The following IFT57 variants were observed in gnomAD, a reference collection of about 807,000 sequenced individuals.
IFT57 encodes intraflagellar transport 57.
IFT57 carries 59 observed loss-of-function variants against 56.8 expected under a neutral mutation model. That is an observed-to-expected ratio of 1.04 (90% CI 0.84 to 1.29). IFT57 has a LOEUF of 1.29. IFT57 is among the 50% of genes most tolerant of loss of function. The pLI, the probability that IFT57 is intolerant of heterozygous loss-of-function variation, is 0.00. For synonymous variants in IFT57, 209 were observed against 186.1 expected (o/e 1.12, Z -1.00); for missense variants, 470 against 522.1 (o/e 0.90, Z 0.97).
intron 6 of IFT57, among the ~76,000 whole-genome samples, chr3:108,188,662 G>A (rs1371146364): frequency 6.6e-6 from 1 of 152,086 alleles, no homozygotes; most frequent in Non-Finnish European, 1.5e-5. Context: ...CTACAGAATG[G>A]CATGAGAATA....
chr3:108,191,635 G>T lies in IFT57; in HGVS notation c.663C>A (p.Asn221Lys), dbSNP rs182941979. 6.3e-7 allele frequency: 1 copy of T among 1,594,860 alleles called. No homozygotes were observed. Among genetic ancestry groups the T allele is most frequent in the East Asian group, 2.2e-5 (1 of 44,706 alleles). ...AAATATCTTCTTGTTTGGCAGTCTC[G>T]TTCATATCCTAAGAAAGGAAAGATA... ...LKAQTYHLDM[N>K]ETAKQEDILE... Residue 221 changes from asparagine (N) to lysine (K), a missense_variant, in exon 6 of 11, where the codon AAC (asparagine) becomes AAA (lysine). By Grantham distance (94) the Asn-to-Lys change is moderately conservative. Coordinates refer to ENST00000264538, the MANE Select transcript of IFT57 (RefSeq NM_018010.4).
intron 6 of IFT57, among the ~76,000 whole-genome samples, chr3:108,180,332 C>T (rs1461400852): frequency 6.6e-6 from 1 of 151,864 alleles, no homozygotes; most frequent in Non-Finnish European, 1.5e-5. Flanking sequence ...GAAGGAGTTA[C>T]AAGCAAAGAG....
chr3:108,213,217 A>T (rs1204007700), intron 4 of IFT57, among the ~76,000 whole-genome samples: 1 of 152,194 alleles, frequency 6.6e-6, no homozygotes, highest in Non-Finnish European at 1.5e-5. Flanking sequence ...GTCCAGAGTT[A>T]TATGTGGATA....
intron 8 of IFT57, 45 bp downstream of exon 8, chr3:108,166,807 TAG>T (rs773437487): frequency 6.4e-7 from 1 of 1,551,306 alleles, no homozygotes; most frequent in South Asian, 1.2e-5. Flanking sequence ...GTTTAGGGTT[TAG>T]GGTTGTTAAC....
rs1240987395 is a variant in IFT57, at chr3:108,161,997, G to A, written c.*480C>T. 1 of 152,146 alleles carries A rather than the reference G, an allele frequency of 6.6e-6. No individual in the cohort carries two copies. The highest frequency in any genetic ancestry group is 1.5e-5 in the Non-Finnish European group (1 of 68,076). 9.4% of individuals were successfully genotyped at this position (152,146 alleles called of 1,614,324 possible). ...AGTTTTTTTTAACCTAAAAAAAGTG[G>A]CAATTTTAGGTAACCATAAAGCTGA... On this transcript the variant is annotated 3_prime_UTR_variant, in exon 11 of 11. Transcript: ENST00000264538.
At chr3:108,173,766 C>CTGTGTGTGTGTGTGTG (rs59233165) in intron 6 of IFT57, among the ~76,000 whole-genome samples, 37 of 124,688 alleles carry the variant, frequency 3.0e-4, no homozygotes, top group East Asian at 7.4e-4. Flanking sequence ...GTCAGGGACT[C>CTGTGTGTGTGTGTGTG]TGTGTGTGTG....
At chr3:108,184,830 G>A (rs996204138) in intron 6 of IFT57, among the ~76,000 whole-genome samples, 2 of 152,066 alleles carry the variant, frequency 1.3e-5, no homozygotes, top group African/African-American at 2.4e-5. Context: ...TGAGGTTTTC[G>A]TGTACTTTTC....
At chr3:108,177,903 C>A (rs951489850) in intron 6 of IFT57, among the ~76,000 whole-genome samples, 1 of 151,518 alleles carries the variant, frequency 6.6e-6, no homozygotes, top group African/African-American at 2.4e-5. Flanking sequence ...ATGTTATCTG[C>A]GAATGACATA....
chr3:108,164,629 T>C (rs2080050722), intron 9 of IFT57, among the ~76,000 whole-genome samples: 2 of 152,100 alleles, frequency 1.3e-5, no homozygotes, highest in Non-Finnish European at 2.9e-5. Flanking sequence ...CTAACATAAG[T>C]GAACACTTTA....
At chr3:108,165,327 G>T in intron 9 of IFT57, 104 bp downstream of exon 9, 1 of 816,290 alleles carries the variant, frequency 1.2e-6, no homozygotes. Context: ...TGATTTAAAG[G>T]CACAGGAAGC....
chr3:108,166,739 A>T, intron 8 of IFT57, 115 bp downstream of exon 8: 1 of 823,216 alleles, frequency 1.2e-6, no homozygotes, highest in Non-Finnish European at 1.8e-6. Context: ...CAGAAAATTG[A>T]TGTTTTGCTG....
chr3:108,205,161 C>G (rs535298535), intron 5 of IFT57, among the ~76,000 whole-genome samples: 1 of 151,934 alleles, frequency 6.6e-6, no homozygotes, highest in Non-Finnish European at 1.5e-5. Context: ...AGATTTCAGA[C>G]GGGGAAATAT....
intron 6 of IFT57, among the ~76,000 whole-genome samples, chr3:108,184,413 C>A (rs1419146220): frequency 6.6e-6 from 1 of 151,784 alleles, no homozygotes; most frequent in Admixed American, 6.6e-5. Context: ...GCAGATGAAC[C>A]ACACAGGCTA....
chr3:108,215,228 T>A (rs554481055), intron 3 of IFT57, among the ~76,000 whole-genome samples: 1 of 152,302 alleles, frequency 6.6e-6, no homozygotes, highest in Admixed American at 6.5e-5. Context: ...TTTTCCTTTT[T>A]TTAATCCAGT....
chr3:108,220,041 C>A (rs2080396922), intron 1 of IFT57, among the ~76,000 whole-genome samples: 1 of 152,206 alleles, frequency 6.6e-6, no homozygotes, highest in Non-Finnish European at 1.5e-5. Flanking sequence ...TATTCAATCA[C>A]CTGAGGAGCT....
chr3:108,217,288 T>C (rs1289765), intron 3 of IFT57, among the ~76,000 whole-genome samples: 118,471 of 151,916 alleles, frequency 0.78, 47,206 homozygotes, highest in Non-Finnish European at 0.86. Flanking sequence ...ATAAGATGTG[T>C]TGAGAAACAA....
Position 108,219,456 on chromosome 3 carries a change from T to G in IFT57, c.329A>C (p.Asp110Ala), listed in dbSNP as rs762496754. 65 of 1,613,640 alleles carry G rather than the reference T, an allele frequency of 4.0e-5. No homozygotes were observed. The highest frequency in any genetic ancestry group is 5.4e-5 in the Non-Finnish European group (64 of 1,179,776). Reference protein sequence around the residue: ...RPFEQPQEYDDPNATISNILS... With the variant: ...RPFEQPQEYDAPNATISNILS... ...TATGTTAGATATTGTTGCATTAGGG[T>G]CATCATATTCTTGAGGCTGCTCAAA... Residue 110 changes from aspartate (D) to alanine (A), a missense_variant, in exon 2 of 11, where the codon GAC (aspartate) becomes GCC (alanine). By Grantham distance (126) the Asp-to-Ala change is moderately radical. Coordinates refer to ENST00000264538, the MANE Select transcript of IFT57 (RefSeq NM_018010.4).
chr3:108,167,981 T>C, intron 6 of IFT57, 117 bp from the exon 7 acceptor site: 4 of 569,692 alleles, frequency 7.0e-6, no homozygotes, highest in Non-Finnish European at 8.9e-6. Flanking sequence ...TCAGGTGGGA[T>C]AGCCCTATTT....
intron 5 of IFT57, among the ~76,000 whole-genome samples, chr3:108,199,343 T>C (rs1248581759): frequency 6.6e-6 from 1 of 152,220 alleles, no homozygotes; most frequent in Non-Finnish European, 1.5e-5. Flanking sequence ...AATGCAATAA[T>C]GAGTTTTAAG....
Sources: allele counts gnomAD v4.1 joint callset (sites outside exome capture counted in the v4.1 genomes callset), GRCh38; gene constraint gnomAD v4.1.1; transcripts MANE v1.5; gene names NCBI Gene and HGNC (gene_info 2026-07-23, HGNC 2026-07-21).